Variants in CFAP20DC observed in about 807,000 individuals in gnomAD.
CFAP20DC encodes protein CFAP20DC.
Under a neutral mutation model 101.7 loss-of-function variants are expected in CFAP20DC, and 84 were observed. The observed-to-expected ratio is 0.83, with a 90% CI of 0.69 to 0.99. CFAP20DC has a LOEUF of 0.99. CFAP20DC is among the 50% of genes least tolerant of loss of function. The pLI is 0.00. For missense variants in CFAP20DC, 1,007 were observed against 970.3 expected (o/e 1.04, Z -0.50); for synonymous variants, 359 against 351.2 (o/e 1.02, Z -0.25).
At chr3:58,810,565 G>C (rs1297367062) in intron 14 of CFAP20DC, among the ~76,000 whole-genome samples, 1 of 151,454 alleles carries the variant, frequency 6.6e-6, no homozygotes, top group African/African-American at 2.4e-5. Flanking sequence ...AAAATAATAA[G>C]AGCTATCTAT....
At chr3:58,755,597 C>T (rs1293730764) in intron 15 of CFAP20DC, among the ~76,000 whole-genome samples, 1 of 152,090 alleles carries the variant, frequency 6.6e-6, no homozygotes. Flanking sequence ...AAATGTAAGA[C>T]ACTCACTTCT....
At chr3:58,855,774 G>A (rs1382035509) in intron 12 of CFAP20DC, among the ~76,000 whole-genome samples, 1 of 141,276 alleles carries the variant, frequency 7.1e-6, no homozygotes, top group African/African-American at 2.6e-5. Flanking sequence ...TCATAGGTGG[G>A]AAATGAACAA....
At chr3:58,834,655 T>A (rs1392009526) in intron 13 of CFAP20DC, among the ~76,000 whole-genome samples, 1 of 152,140 alleles carries the variant, frequency 6.6e-6, no homozygotes, top group Non-Finnish European at 1.5e-5. Flanking sequence ...AACCTCTCTA[T>A]GCATCAACTT....
In CFAP20DC at chr3:58,975,296, T is replaced by C. The variant is rs6767525; in HGVS notation, c.279-37534A>G. ...TTTTCAGAGTACTTACCACAATTTG[T>C]AACTATTTTATTTGCTTGCTTTTCT... On this transcript the variant is annotated intron_variant, in intron 4 of 16. Coordinates refer to ENST00000482387, the MANE Select transcript of CFAP20DC (RefSeq NM_001394063.1). Among the ~76,000 whole-genome samples, 1,511 of 152,334 alleles carry C rather than the reference T, an allele frequency of 9.9e-3. 28 individuals are homozygous for C. Among genetic ancestry groups the C allele is most frequent in the African/African-American group, 0.034 (1,417 of 41,580 alleles).
chr3:58,748,125 C>T (rs1169836295), intron 16 of CFAP20DC, among the ~76,000 whole-genome samples: 1 of 152,144 alleles, frequency 6.6e-6, no homozygotes, highest in Non-Finnish European at 1.5e-5. Context: ...CAGGTAGTCT[C>T]TACTTACAAA....
chr3:58,996,262 G>T (rs2093130211), intron 4 of CFAP20DC, among the ~76,000 whole-genome samples: 1 of 152,036 alleles, frequency 6.6e-6, no homozygotes, highest in South Asian at 2.1e-4. Flanking sequence ...ATAAATAGAT[G>T]CTAATATGGT....
At chr3:58,902,667 C>A (rs1483876151) in intron 6 of CFAP20DC, among the ~76,000 whole-genome samples, 1 of 152,102 alleles carries the variant, frequency 6.6e-6, no homozygotes, top group African/African-American at 2.4e-5. Context: ...ATACAGTCAT[C>A]CCTTGGTATC....
At chr3:58,791,611 CAGTT>C (rs1191885272) in intron 15 of CFAP20DC, among the ~76,000 whole-genome samples, 4 of 152,252 alleles carry the variant, frequency 2.6e-5, no homozygotes, top group African/African-American at 7.2e-5. Context: ...TTCAATGTCA[CAGTT>C]AGCAACTGTG....
chr3:58,988,183 TA>T (rs2092815267), intron 4 of CFAP20DC, among the ~76,000 whole-genome samples: 1 of 152,024 alleles, frequency 6.6e-6, no homozygotes, highest in Admixed American at 6.6e-5. Flanking sequence ...ATTAACAGAC[TA>T]AAATCAAAAA....
chr3:58,831,573 A>G, intron 14 of CFAP20DC, 113 bp downstream of exon 14: 1 of 759,160 alleles, frequency 1.3e-6, no homozygotes, highest in Non-Finnish European at 2.2e-6. Context: ...ATTATTTCTC[A>G]TAGGGAGAGT....
At chr3:59,004,746 G>C (rs535711359) in intron 4 of CFAP20DC, among the ~76,000 whole-genome samples, 151 of 152,238 alleles carry the variant, frequency 9.9e-4, no homozygotes, top group African/African-American at 3.4e-3. Flanking sequence ...TTTAACTGGG[G>C]TACAAATTTT....
At position 58,913,828 on chromosome 3, in the gene CFAP20DC, T is replaced by C. The variant is rs1430690764; in HGVS notation, c.430A>G (p.Ser144Gly). 6.2e-7 allele frequency: 1 copy of C among 1,613,514 alleles called. No homozygotes were observed. The highest frequency in any genetic ancestry group is 8.5e-7 in the Non-Finnish European group (1 of 1,179,748). ...NLCIDLVAFTSEIFKGAVFQS... is the reference protein window; with the variant it reads ...NLCIDLVAFTGEIFKGAVFQS... ...AAAACTGCCCCCTTGAATATTTCAC[T>C]GGTGAATGCTACTAAGTCAATGCAT... is the stretch of plus-strand genomic sequence containing the variant. Residue 144 changes from serine to glycine, a missense_variant, in exon 6 of 17, where the codon AGT becomes GGT. Ser to Gly is a moderately conservative substitution (Grantham distance 56). Coordinates refer to ENST00000482387, the MANE Select transcript of CFAP20DC (RefSeq NM_001394063.1). The surrounding 1 kb of genome is among the most constrained non-coding windows in gnomAD (Gnocchi z 4.4).
chr3:59,031,834 CTCT>C (rs748676051), intron 4 of CFAP20DC, among the ~76,000 whole-genome samples: 2 of 152,078 alleles, frequency 1.3e-5, no homozygotes, highest in Non-Finnish European at 2.9e-5. Flanking sequence ...ATTAAGAAAG[CTCT>C]TCTTCTTAGT....
At chr3:58,842,002 C>T (rs1324787951) in intron 13 of CFAP20DC, among the ~76,000 whole-genome samples, 1 of 152,166 alleles carries the variant, frequency 6.6e-6, no homozygotes, top group Non-Finnish European at 1.5e-5. Flanking sequence ...TGCAATATTA[C>T]CCAGAGGGTT....
rs547974371 is a variant in CFAP20DC, at chr3:58,954,582, T to C, written c.279-16820A>G. 4.6e-5 allele frequency among the ~76,000 whole-genome samples: 7 copies of C among 152,322 alleles called. No individual in the cohort carries two copies. The East Asian group carries it at 1.4e-3, about 29-fold the overall frequency. ...CGATATATATTATATGGCTGTGTAC[T>C]GAGTTTAACGGCCAATAGAAGATGG... is the stretch of plus-strand genomic sequence containing the variant. On this transcript the variant is annotated intron_variant, in intron 4 of 16. Coordinates refer to ENST00000482387, the MANE Select transcript of CFAP20DC (RefSeq NM_001394063.1).
chr3:58,849,834 G>C (rs1203415817), intron 12 of CFAP20DC, among the ~76,000 whole-genome samples: 1 of 152,140 alleles, frequency 6.6e-6, no homozygotes, highest in Non-Finnish European at 1.5e-5. Flanking sequence ...GCCTACTTAA[G>C]CAGAGAAATG....
At chr3:58,845,594 A>G (rs1376111696) in intron 13 of CFAP20DC, among the ~76,000 whole-genome samples, 1 of 152,228 alleles carries the variant, frequency 6.6e-6, no homozygotes, top group Non-Finnish European at 1.5e-5. Context: ...ACAAGGAGGA[A>G]CTGGTACCTT....
intron 4 of CFAP20DC, among the ~76,000 whole-genome samples, chr3:58,942,024 G>A (rs1407362568): frequency 1.3e-5 from 2 of 152,094 alleles, no homozygotes; most frequent in Admixed American, 6.5e-5. Flanking sequence ...ATCACACTGA[G>A]GATGTTGTTT....
intron 6 of CFAP20DC, among the ~76,000 whole-genome samples, chr3:58,896,269 G>A (rs1260435399): frequency 6.6e-6 from 1 of 151,996 alleles, no homozygotes; most frequent in African/African-American, 2.4e-5. Context: ...TGATTCATTT[G>A]TCTTTTCATC....
Sources: gnomAD v4.1 joint callset for allele counts (sites outside exome capture counted in the v4.1 genomes callset) on GRCh38, gnomAD v4.1.1 for gene constraint, Gnocchi (gnomAD v3.1) non-coding constraint, MANE v1.5 for transcripts, NCBI Gene and HGNC (gene_info 2026-07-23, HGNC 2026-07-21) for gene names.